Variants in UGGT2 observed in about 807,000 individuals in gnomAD.
UGGT2 encodes UDP-glucose glycoprotein glucosyltransferase 2, also known as UDP-glucose:glycoprotein glucosyltransferase 2.
UGGT2 carries 180 observed loss-of-function variants against 192.1 expected under a neutral mutation model. That is an observed-to-expected ratio of 0.94 (90% CI 0.83 to 1.06). The LOEUF (loss-of-function observed/expected upper bound fraction) is 1.06, where lower values mean the gene tolerates loss of function less well. Ranked by LOEUF, UGGT2 falls within the 50% of genes least tolerant of loss-of-function variation. The pLI is 0.00. For synonymous variants in UGGT2, 580 were observed against 591.0 expected, an observed-to-expected ratio of 0.98 and a Z score of 0.27; for missense variants, 1,849 against 1,795.7, an observed-to-expected ratio of 1.03 and a Z score of -0.54.
chr13:95,900,783 A>C (rs1395687115), intron 22 of UGGT2, 24 bp downstream of exon 22: 19 of 1,596,598 alleles, frequency 1.2e-5, no homozygotes, highest in Non-Finnish European at 1.6e-5. Context: ...CTGAGAAAAG[A>C]GAGCAATAGC....
intron 20 of UGGT2, among the ~76,000 whole-genome samples, chr13:95,909,646 A>T (rs2048412228): frequency 6.8e-6 from 1 of 147,596 alleles, no homozygotes; most frequent in Non-Finnish European, 1.5e-5. Context: ...AGATATACCT[A>T]ATGCTAGATG....
chr13:95,863,251 G>A (rs1890326182), intron 31 of UGGT2, among the ~76,000 whole-genome samples: 1 of 152,088 alleles, frequency 6.6e-6, no homozygotes, highest in Non-Finnish European at 1.5e-5. Context: ...AGCTAGCTAG[G>A]CTACTTTCTT....
In UGGT2 at chr13:95,925,713, C is replaced by T; in HGVS notation, c.2262G>A (p.Gly754=). The change falls in exon 20 of 39, where the codon GGG becomes GGA. Residue 754 remains glycine (G), a synonymous_variant. Transcript: ENST00000376747. The part of the protein sequence containing the change: ...WIIADFDKPS[G]RKLLFNALKH... ...TTAATGCATTAAAAAGAAGTTTTCT[C>T]CCAGAAGGCTTATCAAAATCTGCAA... The T allele has an allele frequency of 6.3e-7, 1 of 1,579,084 alleles. No individual in the cohort carries two copies. The highest frequency in any genetic ancestry group is 8.6e-7 in the Non-Finnish European group (1 of 1,159,552).
At chr13:95,985,990 T>C (rs2140880020) in intron 9 of UGGT2, among the ~76,000 whole-genome samples, 1 of 152,268 alleles carries the variant, frequency 6.6e-6, no homozygotes, top group Admixed American at 6.5e-5. Context: ...ATACTTTTTA[T>C]CATCCTCCAT....
At chr13:95,826,720 A>G (rs1179359298) in intron 38 of UGGT2, among the ~76,000 whole-genome samples, 1 of 152,142 alleles carries the variant, frequency 6.6e-6, no homozygotes, top group Non-Finnish European at 1.5e-5. Flanking sequence ...AAGACAATGT[A>G]TTCTGAGACA....
At chr13:95,920,516 C>CCCCATCAA (rs2048812100) in intron 20 of UGGT2, among the ~76,000 whole-genome samples, 1 of 151,388 alleles carries the variant, frequency 6.6e-6, no homozygotes, top group Non-Finnish European at 1.5e-5. Flanking sequence ...AAACAAACGA[C>CCCCATCAA]AAAGTGGACA....
intron 29 of UGGT2, among the ~76,000 whole-genome samples, chr13:95,872,854 C>T (rs897727678): frequency 1.9e-4 from 29 of 152,196 alleles, no homozygotes; most frequent in Admixed American, 1.7e-3. Flanking sequence ...AATACATGTG[C>T]TATTGTATAA....
intron 5 of UGGT2, among the ~76,000 whole-genome samples, chr13:96,007,378 C>G (rs2052015066): frequency 6.6e-6 from 1 of 152,088 alleles, no homozygotes; most frequent in African/African-American, 2.4e-5. Flanking sequence ...AGCCATCCCT[C>G]AAAGATCTGG....
At chr13:95,957,944 A>T (rs1170231594) in intron 12 of UGGT2, among the ~76,000 whole-genome samples, 1 of 152,202 alleles carries the variant, frequency 6.6e-6, no homozygotes, top group African/African-American at 2.4e-5. Flanking sequence ...AGACAAAGTA[A>T]AAGTAAAATC....
intron 32 of UGGT2, 101 bp downstream of exon 32, chr13:95,860,687 G>C (rs1890075284): frequency 1.6e-6 from 1 of 611,658 alleles, no homozygotes; most frequent in Admixed American, 4.0e-5. Context: ...AACAGAGGTG[G>C]GAGTTTTTTT....
chr13:95,825,681 G>C (rs1248192589), intron 38 of UGGT2, among the ~76,000 whole-genome samples: 2 of 152,158 alleles, frequency 1.3e-5, no homozygotes, highest in African/African-American at 2.4e-5. Context: ...GGTGGACAAG[G>C]TGGGAAAGGT....
rs1426014333 is a variant in UGGT2, at chr13:95,902,999, T to C, written c.2357A>G (p.Glu786Gly). The part of the protein sequence containing the change: ...IYNPTSKINE[E>G]NTAISRGILA... ...AATTCCTCTAGAAATAGCTGTGTTC[T>C]CTTCATTTATTTTTGATGTAGGATT... The change falls in exon 21 of 39, where the codon GAG (glutamate) becomes GGG (glycine). Residue 786 changes from glutamate to glycine, a missense_variant. Transcript: ENST00000376747. 2.5e-6 allele frequency: 4 copies of C among 1,613,192 alleles called. No individual in the cohort carries two copies. In the Admixed American group the frequency reaches 6.7e-5, roughly 27 times the overall value.
chr13:95,899,519 A>T (rs927938393), intron 22 of UGGT2, among the ~76,000 whole-genome samples: 1 of 152,164 alleles, frequency 6.6e-6, no homozygotes, highest in Non-Finnish European at 1.5e-5. Flanking sequence ...TAAGTTGAAC[A>T]TAACTGTATC....
At chr13:95,940,883 A>G (rs918347236) in intron 15 of UGGT2, among the ~76,000 whole-genome samples, 1 of 152,164 alleles carries the variant, frequency 6.6e-6, no homozygotes, top group South Asian at 2.1e-4. Flanking sequence ...ATAAGCCACC[A>G]TGCCAGGCCT....
At chr13:95,922,525 T>G (rs1433596496) in intron 20 of UGGT2, among the ~76,000 whole-genome samples, 1 of 152,064 alleles carries the variant, frequency 6.6e-6, no homozygotes, top group African/African-American at 2.4e-5. Flanking sequence ...TAAATACAAA[T>G]AAGAAGCCAT....
chr13:95,973,089 G>A (rs1172025055), intron 10 of UGGT2, among the ~76,000 whole-genome samples: 1 of 152,292 alleles, frequency 6.6e-6, no homozygotes, highest in East Asian at 1.9e-4. Context: ...AGAATCACTT[G>A]AATCCAGGAG....
chr13:96,031,480 T>C (rs1452785359), intron 2 of UGGT2, among the ~76,000 whole-genome samples: 1 of 152,086 alleles, frequency 6.6e-6, no homozygotes, highest in East Asian at 1.9e-4. Flanking sequence ...ATTTATTTTA[T>C]TTTTTTATTT....
Position 95,877,363 on chromosome 13 carries a change from C to T in UGGT2, c.3389G>A (p.Gly1130Glu), listed in dbSNP as rs1009573311. 3 of 1,600,870 alleles carry T rather than the reference C, an allele frequency of 1.9e-6. No individual in the cohort carries two copies. Among genetic ancestry groups the T allele is most frequent in the Non-Finnish European group, 2.6e-6 (3 of 1,175,084 alleles). The change falls in exon 29 of 39, where the codon GGG (glycine) becomes GAG (glutamate). Residue 1130 changes from glycine (G) to glutamate (E), a missense_variant and splice_region_variant. Coordinates refer to ENST00000376747, the MANE Select transcript of UGGT2 (RefSeq NM_020121.4). ...TGGGTTTGCTTTTAATTGAAAATAC[C>T]CCTTTTAAGATGAGAAAAAAATAAT... Reference protein sequence around the residue: ...VVDTIVMAHHGYFQLKANPGA... With the variant: ...VVDTIVMAHHEYFQLKANPGA...
intron 30 of UGGT2, among the ~76,000 whole-genome samples, chr13:95,863,968 A>T (rs1890405697): frequency 6.6e-6 from 1 of 152,116 alleles, no homozygotes; most frequent in African/African-American, 2.4e-5. Context: ...TGTGTTTACT[A>T]ATTTATCAGC....
Sources: gnomAD v4.1 joint callset for allele counts (sites outside exome capture counted in the v4.1 genomes callset) on GRCh38, gnomAD v4.1.1 for gene constraint, MANE v1.5 for transcripts, NCBI Gene and HGNC (gene_info 2026-07-23, HGNC 2026-07-21) for gene names.